Variants in CSMD1 observed in about 807,000 individuals in gnomAD.
CSMD1 encodes the protein CUB and sushi domain-containing protein 1.
A neutral mutation model predicts 417.5 loss-of-function variants in CSMD1; 213 were observed. The ratio of observed to expected loss-of-function variants is 0.51; its 90% CI spans 0.46 to 0.57. The LOEUF is 0.57. Among genes scored for constraint, CSMD1 ranks in the 20% least tolerant of loss-of-function variants. The pLI is 0.00. For synonymous variants in CSMD1, 2,862 were observed against 1,736.8 expected, an observed-to-expected ratio of 1.65 and a Z score of -16.11; for missense variants, 6,923 against 4,529.7, an observed-to-expected ratio of 1.53 and a Z score of -15.17.
intron 1 of CSMD1, among the ~76,000 whole-genome samples, chr8:4,910,673 GC>G (rs1156871894): frequency 1.3e-5 from 2 of 152,108 alleles, no homozygotes; most frequent in Non-Finnish European, 2.9e-5. Flanking sequence ...TTTGAAGGGG[GC>G]ACAAACATTC....
At chr8:4,186,697 T>C (rs1798697537) in intron 3 of CSMD1, among the ~76,000 whole-genome samples, 1 of 151,938 alleles carries the variant, frequency 6.6e-6, no homozygotes, top group African/African-American at 2.4e-5. Context: ...AGACTAAATA[T>C]TTTTTTCAGC....
chr8:4,514,638 T>C (rs1189310731), intron 2 of CSMD1, among the ~76,000 whole-genome samples: 1 of 152,168 alleles, frequency 6.6e-6, no homozygotes, highest in Non-Finnish European at 1.5e-5. Context: ...AAAAGCAACA[T>C]CAGCCCTGTT....
chr8:4,117,766 C>G (rs1410303727), intron 3 of CSMD1, among the ~76,000 whole-genome samples: 3 of 152,082 alleles, frequency 2.0e-5, no homozygotes, highest in Admixed American at 6.6e-5. Flanking sequence ...TTCAGAAACA[C>G]ACCAGGCCCA....
intron 1 of CSMD1, among the ~76,000 whole-genome samples, chr8:4,715,111 T>G (rs1299396677): frequency 6.6e-6 from 1 of 152,184 alleles, no homozygotes; most frequent in Non-Finnish European, 1.5e-5. Context: ...TCACTTATAG[T>G]TCAGATCCAA....
chr8:3,902,943 C>T (rs1021891174), intron 5 of CSMD1, among the ~76,000 whole-genome samples: 1 of 152,104 alleles, frequency 6.6e-6, no homozygotes, highest in African/African-American at 2.4e-5. Flanking sequence ...CCAGCTCTAC[C>T]TCCCTGAACT....
intron 27 of CSMD1, 75 bp from the exon 28 acceptor site, chr8:3,223,942 A>C: frequency 7.0e-7 from 1 of 1,433,808 alleles, no homozygotes; most frequent in Non-Finnish European, 9.6e-7. Context: ...GGAAGGAGAC[A>C]CCACAGAATT....
chr8:3,797,233 A>G (rs999765148), intron 5 of CSMD1, among the ~76,000 whole-genome samples: 5 of 151,910 alleles, frequency 3.3e-5, no homozygotes, highest in Non-Finnish European at 7.4e-5. Flanking sequence ...AACCATCTCT[A>G]TTTTCAAACT....
intron 3 of CSMD1, among the ~76,000 whole-genome samples, chr8:4,352,239 A>G (rs576993649): frequency 2.0e-5 from 3 of 152,346 alleles, no homozygotes; most frequent in East Asian, 1.9e-4. Flanking sequence ...AAGCACCAAC[A>G]TAAGGTTCTA....
chr8:4,316,959 G>T (rs1199716220), intron 3 of CSMD1, among the ~76,000 whole-genome samples: 2 of 150,136 alleles, frequency 1.3e-5, no homozygotes, highest in African/African-American at 4.9e-5. Flanking sequence ...AGATTCATAC[G>T]AAAACTCAAG....
At chr8:3,677,998 G>C (rs1563263959) in intron 7 of CSMD1, among the ~76,000 whole-genome samples, 1 of 152,094 alleles carries the variant, frequency 6.6e-6, no homozygotes, top group Non-Finnish European at 1.5e-5. Flanking sequence ...GCCTCCATCT[G>C]GGGTGTCTGC....
chr8:4,017,644 TAG>T lies in CSMD1; in HGVS notation c.610+14259_610+14260del, dbSNP rs542533735. 1.2e-3 allele frequency among the ~76,000 whole-genome samples: 185 copies of T among 152,278 alleles called. 1 individual carries two copies. Among genetic ancestry groups the T allele is most frequent in the African/African-American group, 4.1e-3 (169 of 41,530 alleles). On this transcript the variant is annotated intron_variant, in intron 4 of 69. Transcript: ENST00000635120. ...TAACTCTAAATTGTGTAGAAAATAT[TAG>T]AGAGTTCTAATTAAGAATTTTTTTT...
chr8:3,729,956 AAAAAACAAAAAC>A (rs796462110), intron 6 of CSMD1, among the ~76,000 whole-genome samples: 2 of 12,138 alleles, frequency 1.6e-4, no homozygotes, highest in African/African-American at 2.7e-4. Flanking sequence ...AAAAAAAAAA[AAAAAACAAAAAC>A]AGAAGAACGG....
chr8:4,740,626 C>A (rs1810541769), intron 1 of CSMD1, among the ~76,000 whole-genome samples: 1 of 152,156 alleles, frequency 6.6e-6, no homozygotes, highest in Non-Finnish European at 1.5e-5. Flanking sequence ...GTGGAAGACA[C>A]ATCTACGAGG....
intron 6 of CSMD1, among the ~76,000 whole-genome samples, chr8:3,741,979 G>GGT (rs72364252): frequency 2.1e-5 from 3 of 146,150 alleles, no homozygotes; most frequent in Admixed American, 6.8e-5. Flanking sequence ...AAGAATCTTG[G>GGT]TTTTTTTTTT....
chr8:4,152,803 C>T (rs764739899), intron 3 of CSMD1, among the ~76,000 whole-genome samples: 1 of 152,010 alleles, frequency 6.6e-6, no homozygotes, highest in Non-Finnish European at 1.5e-5. Flanking sequence ...GGAATATACA[C>T]ACATACACGT....
intron 5 of CSMD1, among the ~76,000 whole-genome samples, chr8:3,771,748 T>A (rs1798585769): frequency 6.6e-6 from 1 of 152,154 alleles, no homozygotes; most frequent in Non-Finnish European, 1.5e-5. Flanking sequence ...TGACTGTGTG[T>A]GTTCAAATGA....
At chr8:3,692,439 A>C (rs1056823152) in intron 7 of CSMD1, among the ~76,000 whole-genome samples, 1 of 139,054 alleles carries the variant, frequency 7.2e-6, no homozygotes, top group Non-Finnish European at 1.6e-5. Flanking sequence ...TTATACTTTA[A>C]CAATAATTTT....
At chr8:4,243,551 C>A (rs1386688116) in intron 3 of CSMD1, among the ~76,000 whole-genome samples, 1 of 152,202 alleles carries the variant, frequency 6.6e-6, no homozygotes, top group African/African-American at 2.4e-5. Context: ...GAAATTACCC[C>A]TAAGCAAGCA....
chr8:4,746,735 G>C (rs1367326381), intron 1 of CSMD1, among the ~76,000 whole-genome samples: 1 of 152,088 alleles, frequency 6.6e-6, no homozygotes, highest in Admixed American at 6.5e-5. Context: ...ACCTCGGTGG[G>C]AGTCACCGGT....
Sources: gnomAD v4.1 joint callset for allele counts (sites outside exome capture counted in the v4.1 genomes callset) on GRCh38, gnomAD v4.1.1 for gene constraint, MANE v1.5 for transcripts, NCBI Gene and HGNC (gene_info 2026-07-23, HGNC 2026-07-21) for gene names.